Variants in STOX1 observed in about 807,000 individuals in gnomAD.
STOX1 encodes storkhead box 1.
Under a neutral mutation model 74.8 loss-of-function variants are expected in STOX1, and 57 were observed. The observed-to-expected ratio is 0.76, with a 90% CI of 0.62 to 0.95. STOX1 has a LOEUF of 0.95. Among genes scored for constraint, STOX1 ranks in the 40% least tolerant of loss-of-function variants. The pLI, the probability that STOX1 is intolerant of heterozygous loss-of-function variation, is 0.00. For synonymous variants in STOX1, 375 were observed against 401.3 expected (o/e 0.93, Z 0.78); for missense variants, 1,010 against 1,117.0 (o/e 0.90, Z 1.37).
In STOX1 at chr10:68,884,603, C is replaced by T. The variant is rs1249424023; in HGVS notation, c.807C>T (p.His269=). Residue 269 remains histidine, a synonymous_variant, in exon 3 of 4, where the codon CAC becomes CAT. Coordinates refer to ENST00000298596, the MANE Select transcript of STOX1 (RefSeq NM_152709.5). ...PVAAEVTRKS[H]RGLGESVSWV... Reference sequence around the variant, plus strand: ...CTGCAGAAGTGACTAGGAAGAGTCACAGAGGTCTTGGGGAATCCGTATCTT... The same window carrying T: ...CTGCAGAAGTGACTAGGAAGAGTCATAGAGGTCTTGGGGAATCCGTATCTT... 6.2e-7 allele frequency: 1 copy of T among 1,613,896 alleles called. No individual in the cohort carries two copies.
intron 1 of STOX1, among the ~76,000 whole-genome samples, chr10:68,847,795 T>A (rs1839890402): frequency 6.6e-6 from 1 of 151,876 alleles, no homozygotes; most frequent in African/African-American, 2.4e-5. Flanking sequence ...AATAATAGCA[T>A]GATCTCAACT....
chr10:68,874,239 C>T (rs1349948258), intron 1 of STOX1, among the ~76,000 whole-genome samples: 1 of 151,688 alleles, frequency 6.6e-6, no homozygotes, highest in Non-Finnish European at 1.5e-5. Flanking sequence ...AACTTGGACC[C>T]CTACTCTGAA....
intron 1 of STOX1, among the ~76,000 whole-genome samples, chr10:68,864,128 G>T (rs1004235223): frequency 2.4e-4 from 36 of 152,014 alleles, no homozygotes; most frequent in African/African-American, 7.5e-4. Flanking sequence ...GTTTCACCTT[G>T]TTAGCCAGGA....
intron 1 of STOX1, among the ~76,000 whole-genome samples, chr10:68,835,993 T>A (rs1290047291): frequency 1.3e-5 from 2 of 152,168 alleles, no homozygotes; most frequent in Non-Finnish European, 2.9e-5. Context: ...TGCCTCAGCC[T>A]CCTAAGTAGC....
intron 1 of STOX1, among the ~76,000 whole-genome samples, chr10:68,845,015 G>T (rs950499032): frequency 3.3e-5 from 5 of 152,074 alleles, no homozygotes; most frequent in African/African-American, 1.2e-4. Context: ...CACCCTCCTC[G>T]GCCTCCCAGA....
downstream of STOX1, among the ~76,000 whole-genome samples, chr10:68,894,631 G>C (rs1449892081): frequency 2.0e-5 from 3 of 152,192 alleles, no homozygotes; most frequent in Non-Finnish European, 2.9e-5. Flanking sequence ...GTATAGAAAA[G>C]ACTTGTAGGG....
rs1564592249 is a variant in STOX1, at chr10:68,892,762, C to CTTT, written c.*27_*29dup. 1 of 1,607,434 alleles carries CTTT rather than the reference C, an allele frequency of 6.2e-7. No homozygotes were observed. The highest frequency in any genetic ancestry group is 1.1e-5 in the South Asian group (1 of 90,764). On this transcript the variant is annotated 3_prime_UTR_variant, in exon 4 of 4. Transcript: ENST00000298596. ...TTTTCTTTTGGAAACCTACTTTTTT[C>CTTT]TTTATAAAAAGGTAGAGCATTATTA... is the stretch of plus-strand genomic sequence containing the variant.
intron 1 of STOX1, among the ~76,000 whole-genome samples, chr10:68,880,164 C>CTTTTTTTTT (rs71028800): frequency 3.2e-4 from 40 of 124,424 alleles, no homozygotes; most frequent in African/African-American, 4.2e-4. Flanking sequence ...TCTTTCTTTC[C>CTTTTTTTTT]TTTTTTTTTT....
intron 1 of STOX1, among the ~76,000 whole-genome samples, chr10:68,873,413 A>C (rs1285455389): frequency 6.6e-6 from 1 of 151,698 alleles, no homozygotes; most frequent in Non-Finnish European, 1.5e-5. Context: ...GGCGGCCGCC[A>C]CCACGCCCAG....
rs563095771 is a variant in STOX1 at position 68,860,891 on chromosome 10, T to C, written c.311-21067T>C. On this transcript the variant is annotated intron_variant, in intron 1 of 3. Coordinates refer to ENST00000298596, the MANE Select transcript of STOX1 (RefSeq NM_152709.5). The stretch of plus-strand genomic sequence containing the variant: ...TCATGGGGACTGATGCCTGGTCAAA[T>C]AGGCTATGGGAGTTGGGAAAAGAAA... Among the ~76,000 whole-genome samples the C allele has an allele frequency of 5.3e-5, 8 of 152,000 alleles. No homozygotes were observed. In the South Asian group the frequency reaches 1.5e-3, roughly 28 times the overall value.
chr10:68,833,744 C>T (rs558384591), intron 1 of STOX1, among the ~76,000 whole-genome samples: 40 of 152,270 alleles, frequency 2.6e-4, no homozygotes, highest in South Asian at 1.0e-3. Flanking sequence ...TCCTAGGCGC[C>T]GGGCTACCTG....
chr10:68,843,889 T>A (rs1285069275), intron 1 of STOX1, among the ~76,000 whole-genome samples: 2 of 151,724 alleles, frequency 1.3e-5, no homozygotes, highest in Non-Finnish European at 2.9e-5. Flanking sequence ...GGACTAATAG[T>A]TGGATAGTGG....
chr10:68,829,512 C>T (rs1231921216), intron 1 of STOX1, among the ~76,000 whole-genome samples: 1 of 151,724 alleles, frequency 6.6e-6, no homozygotes, highest in African/African-American at 2.4e-5. Flanking sequence ...AGCGAAACTC[C>T]GTCTCAAAAG....
intron 1 of STOX1, among the ~76,000 whole-genome samples, chr10:68,838,902 T>A (rs529042010): frequency 6.3e-4 from 89 of 142,120 alleles, no homozygotes; most frequent in African/African-American, 2.5e-3. Flanking sequence ...AGAGCGAGAC[T>A]CTGTCTCAAA....
chr10:68,892,571 TA>T lies in STOX1; in HGVS notation c.2823-17del, dbSNP rs765389270. 6.2e-7 allele frequency: 1 copy of T among 1,611,942 alleles called. No homozygotes were observed. Among genetic ancestry groups the T allele is most frequent in the East Asian group, 2.2e-5 (1 of 44,788 alleles). On this transcript the variant is annotated splice_polypyrimidine_tract_variant and intron_variant, in intron 3 of 3. Transcript: ENST00000298596. ...TTCCCTTCGAAGCCAATAATTCTGTTATTTTTAATATCTTTAGGACACAGAG... is the reference window on the plus strand; with the variant it reads ...TTCCCTTCGAAGCCAATAATTCTGTTTTTTTAATATCTTTAGGACACAGAG...
At chr10:68,871,873 T>G (rs4746797) in intron 1 of STOX1, among the ~76,000 whole-genome samples, 100,146 of 152,060 alleles carry the variant, frequency 0.66, 33,336 homozygotes, top group East Asian at 0.9. Flanking sequence ...GGGCATGTTG[T>G]TACAAATGCT....
chr10:68,894,963 A>G (rs10740311), downstream of STOX1, among the ~76,000 whole-genome samples: 86,882 of 152,060 alleles, frequency 0.57, 26,096 homozygotes, highest in East Asian at 0.89. Context: ...TCCTCAAGCA[A>G]TCCTCCCACC....
chr10:68,873,854 T>C (rs1840608565), intron 1 of STOX1, among the ~76,000 whole-genome samples: 1 of 150,624 alleles, frequency 6.6e-6, no homozygotes, highest in African/African-American at 2.4e-5. Flanking sequence ...TTTCACCATG[T>C]TGGTCAGGCT....
chr10:68,879,062 T>C (rs940208425), intron 1 of STOX1, among the ~76,000 whole-genome samples: 1 of 152,136 alleles, frequency 6.6e-6, no homozygotes, highest in African/African-American at 2.4e-5. Context: ...GTTAGCAAGA[T>C]CTACTGGTGA....
Sources: allele counts gnomAD v4.1 joint callset (sites outside exome capture counted in the v4.1 genomes callset), GRCh38; gene constraint gnomAD v4.1.1; transcripts MANE v1.5; gene names NCBI Gene and HGNC (gene_info 2026-07-23, HGNC 2026-07-21).